Variants in ATG16L1 observed in about 807,000 individuals in gnomAD.
ATG16L1 encodes autophagy-related protein 16-1.
In ATG16L1, 37 loss-of-function variants were observed where a neutral mutation model predicts 88.5. The observed-to-expected ratio is 0.42, with a 90% CI of 0.32 to 0.55. The LOEUF (loss-of-function observed/expected upper bound fraction) is 0.55, where lower values mean the gene tolerates loss of function less well. Among genes scored for constraint, ATG16L1 ranks in the 20% least tolerant of loss-of-function variants. The probability of loss-of-function intolerance (pLI) is 0.13; values close to 1 mark genes in which losing one functional copy is unlikely to be tolerated. For synonymous variants in ATG16L1, 301 were observed against 281.0 expected (o/e 1.07, Z -0.71); for missense variants, 554 against 752.8 (o/e 0.74, Z 3.09).
At chr2:233,268,184 G>A (rs921831179) in intron 5 of ATG16L1, among the ~76,000 whole-genome samples, 2 of 152,168 alleles carry the variant, frequency 1.3e-5, no homozygotes, top group Admixed American at 6.5e-5. Context: ...GGCTGGGCAC[G>A]GTGGCTGCTG....
intron 2 of ATG16L1, among the ~76,000 whole-genome samples, chr2:233,260,351 T>TAGAA (rs1177337499): frequency 6.6e-6 from 1 of 152,208 alleles, no homozygotes; most frequent in Non-Finnish European, 1.5e-5. Context: ...CCTACTCTAT[T>TAGAA]AGAAACTCTG....
rs1442687725 is a variant in ATG16L1 at position 233,265,098 on chromosome 2, C to A, written c.596C>A (p.Ala199Asp). 1 of 1,614,132 alleles carries A rather than the reference C, an allele frequency of 6.2e-7. No individual in the cohort carries two copies. The highest frequency in any genetic ancestry group is 8.5e-7 in the Non-Finnish European group (1 of 1,180,024). The change falls in exon 5 of 18, where the codon GCC (alanine) becomes GAC (aspartate). Residue 199 changes from alanine to aspartate, a missense_variant. By Grantham distance (126) the Ala-to-Asp change is moderately radical. This residue lies in a region of ATG16L1 where 370 missense variants were observed against 509.7 expected (regional missense o/e 0.73). Transcript: ENST00000392017. ...GTCACCAGATGGATGGCTGAGAAAGCCCAGGAAGCCAATCGGCTTAATGCA... is the reference window on the plus strand; with the variant it reads ...GTCACCAGATGGATGGCTGAGAAAGACCAGGAAGCCAATCGGCTTAATGCA... ...ELVTRWMAEK[A>D]QEANRLNAEN...
At chr2:233,280,517 G>C (rs1209127690) in intron 10 of ATG16L1, among the ~76,000 whole-genome samples, 1 of 152,180 alleles carries the variant, frequency 6.6e-6, no homozygotes, top group Non-Finnish European at 1.5e-5. Context: ...CAGGATCTTA[G>C]ATTCATGGAG....
intron 8 of ATG16L1, 22 bp downstream of exon 8, chr2:233,273,799 T>C (rs1218502435): frequency 1.2e-6 from 2 of 1,609,602 alleles, no homozygotes; most frequent in South Asian, 2.2e-5. Context: ...GACCTTTCCT[T>C]TTTAAATGTG....
chr2:233,253,332 G>GTGTT (rs1696521168), intron 1 of ATG16L1, among the ~76,000 whole-genome samples: 1 of 112,888 alleles, frequency 8.9e-6, no homozygotes, highest in African/African-American at 3.3e-5. Context: ...GTGAGACTGG[G>GTGTT]TTTTTTTGTT....
chr2:233,274,651 T>C (rs760872412), intron 8 of ATG16L1, 25 bp from the exon 9 acceptor site: 6 of 1,556,494 alleles, frequency 3.9e-6, no homozygotes, highest in Non-Finnish European at 5.3e-6. Flanking sequence ...TCCTGTCTAA[T>C]ATTTGTCTTT....
intron 1 of ATG16L1, among the ~76,000 whole-genome samples, chr2:233,255,186 G>C (rs530552131): frequency 4.6e-5 from 7 of 152,154 alleles, no homozygotes; most frequent in African/African-American, 1.7e-4. Context: ...GGCTGTTCTC[G>C]AACTCCTGAC....
At chr2:233,271,353 A>G (rs192401160) in intron 6 of ATG16L1, among the ~76,000 whole-genome samples, 85 of 152,356 alleles carry the variant, frequency 5.6e-4, no homozygotes, top group African/African-American at 2.0e-3. Context: ...ATCTCAGCTC[A>G]CTGCAACCTC....
Position 233,264,013 on chromosome 2 carries a change from C to G in ATG16L1, c.337C>G (p.Leu113Val). The G allele has an allele frequency of 6.2e-7, 1 of 1,614,024 alleles. No homozygotes were observed. Among genetic ancestry groups the G allele is most frequent in the Non-Finnish European group, 8.5e-7 (1 of 1,179,908 alleles). Reference protein sequence around the residue: ...RGELAQLVIDLNNQMQRKDRE... With the variant: ...RGELAQLVIDVNNQMQRKDRE... ...CCAGTTAGCTCAACTGGTGATTGAC[C>G]TGAATAACCAAATGCAGCGGAAGGA... Residue 113 changes from leucine (L) to valine (V), a missense_variant, in exon 4 of 18, where the codon CTG becomes GTG. Physicochemically the swap from Leu to Val is conservative, Grantham distance 32 (BLOSUM62 1). This residue lies in a region of ATG16L1 where 50 missense variants were observed against 49.4 expected (regional missense o/e 1.01). Coordinates refer to ENST00000392017, the MANE Select transcript of ATG16L1 (RefSeq NM_030803.7).
At chr2:233,254,306 G>T (rs1696626742) in intron 1 of ATG16L1, among the ~76,000 whole-genome samples, 1 of 152,198 alleles carries the variant, frequency 6.6e-6, no homozygotes, top group African/African-American at 2.4e-5. Context: ...CTAACAAGAG[G>T]CAGGAGAGTG....
chr2:233,282,991 C>G (rs1698817231), intron 12 of ATG16L1: 2 of 465,098 alleles, frequency 4.3e-6, no homozygotes, highest in Admixed American at 6.8e-5. Context: ...CCTTGGAATA[C>G]TCTTCATAAG....
At chr2:233,269,306 A>C (rs944283018) in intron 5 of ATG16L1, among the ~76,000 whole-genome samples, 1 of 152,164 alleles carries the variant, frequency 6.6e-6, no homozygotes, top group South Asian at 2.1e-4. Context: ...AGTAATTAAC[A>C]ATGTCAGGTA....
In ATG16L1 at chr2:233,269,587, T is replaced by C. The variant is rs1574862896; in HGVS notation, c.642-415T>C. On this transcript the variant is annotated intron_variant, in intron 5 of 17. Transcript: ENST00000392017. ...CTTCAAAATCTGAGAAAATTCGAAA[T>C]CTGAAACACTGGTAGTCCCAAACAT... Among the ~76,000 whole-genome samples, 3 of 152,370 alleles carry C rather than the reference T, an allele frequency of 2.0e-5. No individual in the cohort carries two copies. In the South Asian group the frequency reaches 6.2e-4, roughly 32 times the overall value.
At chr2:233,264,575 G>T (rs138817347) in intron 4 of ATG16L1, among the ~76,000 whole-genome samples, 22 of 152,280 alleles carry the variant, frequency 1.4e-4, no homozygotes, top group Admixed American at 3.3e-4. Flanking sequence ...AAGGCAGGGC[G>T]CTTGCTCAGG....
At position 233,251,786 on chromosome 2, in the gene ATG16L1, C is replaced by T. The variant is rs1405588880; in HGVS notation, c.-42C>T. ...GCTGCAGGCTGCGGCCGTCAGCCCTCGCTCGCATTGGTGGCGCTGAGGTGC... is the reference window on the plus strand; with the variant it reads ...GCTGCAGGCTGCGGCCGTCAGCCCTTGCTCGCATTGGTGGCGCTGAGGTGC... On this transcript the variant is annotated 5_prime_UTR_variant, in exon 1 of 18. Transcript: ENST00000392017. The T allele has an allele frequency of 5.2e-6, 8 of 1,527,532 alleles. No homozygotes were observed. Among genetic ancestry groups the T allele is most frequent in the African/African-American group, 1.4e-5 (1 of 72,396 alleles). The allele number at this position is 1,527,532 out of a possible 1,614,324, so 94.6% of individuals were successfully genotyped here.
At position 233,293,175 on chromosome 2, in the gene ATG16L1, C is replaced by T. The variant is rs1034782866; in HGVS notation, c.1629-81C>T. 13 of 1,229,392 alleles carry T rather than the reference C, an allele frequency of 1.1e-5. No homozygotes were observed. The Admixed American group carries it at 1.9e-4, about 18-fold the overall frequency. The allele number at this position is 1,229,392 out of a possible 1,614,324, so 76.2% of individuals were successfully genotyped here. ...TGGTCATCAGTGAAGAACAAACATTCCTTCTTGGGAAAAAGGCCACAGAGA... is the reference window on the plus strand; with the variant it reads ...TGGTCATCAGTGAAGAACAAACATTTCTTCTTGGGAAAAAGGCCACAGAGA... On this transcript the variant is annotated intron_variant, in intron 16 of 17. Transcript: ENST00000392017.
rs933467169 is a variant in ATG16L1 at position 233,270,206 on chromosome 2, G to A, written c.707+139G>A. On this transcript the variant is annotated intron_variant, in intron 6 of 17. Coordinates refer to ENST00000392017, the MANE Select transcript of ATG16L1 (RefSeq NM_030803.7). The stretch of plus-strand genomic sequence containing the variant: ...TGCCCAGGCTGGAGTGCAGTGGTGT[G>A]ATCATAGCTTCTAATGTTTTTATTT... 3 of 543,912 alleles carry A rather than the reference G, an allele frequency of 5.5e-6. No homozygotes were observed. In the African/African-American group the frequency reaches 5.9e-5, roughly 11 times the overall value. 33.7% of individuals were successfully genotyped at this position (543,912 alleles called of 1,614,324 possible). A position where few individuals can be genotyped will look rare whatever the true frequency, so the allele number is the denominator to read the frequency against.
chr2:233,255,600 A>G (rs1696722947), intron 1 of ATG16L1, among the ~76,000 whole-genome samples: 1 of 152,188 alleles, frequency 6.6e-6, no homozygotes, highest in African/African-American at 2.4e-5. Flanking sequence ...ACTTACCAAA[A>G]GACTCTGTTA....
intron 12 of ATG16L1, among the ~76,000 whole-genome samples, chr2:233,286,323 A>C (rs1259524123): frequency 6.6e-6 from 1 of 152,134 alleles, no homozygotes; most frequent in Non-Finnish European, 1.5e-5. Flanking sequence ...AAGCCTCCCC[A>C]CTTTGAGGCC....
Sources: gnomAD v4.1 joint callset for allele counts (sites outside exome capture counted in the v4.1 genomes callset) on GRCh38, gnomAD v4.1.1 for gene constraint, gnomAD v4.1.1 regional missense constraint, MANE v1.5 for transcripts, NCBI Gene and HGNC (gene_info 2026-07-23, HGNC 2026-07-21) for gene names.